NFATC2: variants seen among roughly 807,000 people sequenced by gnomAD.
The protein encoded by NFATC2 is nuclear factor of activated T cells 2.
A neutral mutation model predicts 87.3 loss-of-function variants in NFATC2; 22 were observed. The ratio of observed to expected loss-of-function variants is 0.25; its 90% CI spans 0.18 to 0.36. The LOEUF is 0.36. Ranked by LOEUF, NFATC2 falls within the 10% of genes least tolerant of loss-of-function variation. The pLI is 1.00. For missense variants in NFATC2, 1,149 were observed against 1,259.1 expected, an observed-to-expected ratio of 0.91 and a Z score of 1.32; for synonymous variants, 565 against 542.2, an observed-to-expected ratio of 1.04 and a Z score of -0.58.
At chr20:51,394,323 C>CA (rs1452389079) in intron 10 of NFATC2, among the ~76,000 whole-genome samples, 2 of 152,112 alleles carry the variant, frequency 1.3e-5, no homozygotes, top group Non-Finnish European at 2.9e-5. Context: ...ACTCGAGTAC[C>CA]AGGGTGCAGG....
intron 5 of NFATC2, among the ~76,000 whole-genome samples, chr20:51,469,304 A>G (rs1987985327): frequency 6.6e-6 from 1 of 152,198 alleles, no homozygotes; most frequent in South Asian, 2.1e-4. Context: ...GACGTGAGCC[A>G]CCGAGCTTGG....
chr20:51,398,852 T>C, intron 9 of NFATC2, 122 bp from the exon 10 acceptor site: 1 of 698,256 alleles, frequency 1.4e-6, no homozygotes, highest in Non-Finnish European at 2.5e-6. Flanking sequence ...CCTTTGGCTC[T>C]AGTTTAAGCC....
intron 5 of NFATC2, among the ~76,000 whole-genome samples, chr20:51,472,220 A>G (rs1988277206): frequency 6.6e-6 from 1 of 152,218 alleles, no homozygotes; most frequent in Non-Finnish European, 1.5e-5. Flanking sequence ...GCACCACGGC[A>G]CTCCAGCCTG....
intron 6 of NFATC2, among the ~76,000 whole-genome samples, chr20:51,444,688 A>G (rs572151185): frequency 5.3e-5 from 8 of 152,340 alleles, no homozygotes; most frequent in Admixed American, 3.3e-4. Flanking sequence ...GATGCTTCCC[A>G]GTCCTGGCCG....
intron 9 of NFATC2, among the ~76,000 whole-genome samples, chr20:51,402,273 T>TTCTGATTACATGCAA (rs1988124505): frequency 6.6e-6 from 1 of 152,220 alleles, no homozygotes. Context: ...GCAGAATTTC[T>TTCTGATTACATGCAA]TCTGATTACA....
At chr20:51,491,819 TG>T (rs2075889560) in intron 3 of NFATC2, among the ~76,000 whole-genome samples, 1 of 150,870 alleles carries the variant, frequency 6.6e-6, no homozygotes, top group Admixed American at 6.6e-5. Context: ...CTTCTCCCAT[TG>T]ATTTTCACAT....
At chr20:51,561,624 A>G (rs1339499070) in intron 1 of NFATC2, among the ~76,000 whole-genome samples, 1 of 134,842 alleles carries the variant, frequency 7.4e-6, no homozygotes, top group African/African-American at 2.9e-5. Context: ...CACAAAACCT[A>G]CATTCAACTC....
rs75102974 is a variant in NFATC2 at position 51,392,916 on chromosome 20, G to A, written c.*45-1465C>T. Among the ~76,000 whole-genome samples, 1,503 of 152,268 alleles carry A rather than the reference G, an allele frequency of 9.9e-3. 26 individuals carry two copies. Among genetic ancestry groups the A allele is most frequent in the African/African-American group, 0.035 (1,456 of 41,542 alleles). ...ATGAACCGGGTTTGATTCTCAGCTC[G>A]TTCTCTGACTGTATGATGTTACCTC... On this transcript the variant is annotated intron_variant, in intron 10 of 10. Transcript: ENST00000371564.
chr20:51,534,207 G>A (rs1255305460), intron 1 of NFATC2, among the ~76,000 whole-genome samples: 4 of 151,636 alleles, frequency 2.6e-5, no homozygotes, highest in Non-Finnish European at 5.9e-5. Flanking sequence ...CAAAAAGTCA[G>A]GGCAAAGCTT....
chr20:51,536,379 A>G (rs1415727224), intron 1 of NFATC2, among the ~76,000 whole-genome samples: 1 of 152,154 alleles, frequency 6.6e-6, no homozygotes. Flanking sequence ...CTGCCCTGCC[A>G]CTTACCAATG....
intron 10 of NFATC2, among the ~76,000 whole-genome samples, chr20:51,394,537 C>T (rs532962127): frequency 6.6e-6 from 1 of 151,666 alleles, no homozygotes; most frequent in South Asian, 2.1e-4. Flanking sequence ...GGTGGCCACC[C>T]CCAGCCCAGT....
intron 9 of NFATC2, among the ~76,000 whole-genome samples, chr20:51,416,159 G>C (rs4809841): frequency 0.78 from 118,834 of 152,030 alleles, 46,643 homozygotes; most frequent in Non-Finnish European, 0.82. Flanking sequence ...CTACTCTGGA[G>C]ACTGAGGCAG....
chr20:51,512,358 A>G (rs1366720720), intron 3 of NFATC2, among the ~76,000 whole-genome samples: 3 of 152,028 alleles, frequency 2.0e-5, no homozygotes, highest in Non-Finnish European at 4.4e-5. Context: ...CTGGCCTCTC[A>G]GGCCTCCCTG....
At chr20:51,393,983 A>G (rs910863770) in intron 10 of NFATC2, among the ~76,000 whole-genome samples, 98 of 145,426 alleles carry the variant, frequency 6.7e-4, no homozygotes, top group African/African-American at 2.6e-3. Flanking sequence ...CTGCTGATGG[A>G]AATGGTCCTG....
At chr20:51,437,580 C>A (rs1312855412) in intron 6 of NFATC2, among the ~76,000 whole-genome samples, 1 of 152,100 alleles carries the variant, frequency 6.6e-6, no homozygotes, top group Admixed American at 6.5e-5. Flanking sequence ...CACCCACCTC[C>A]CCCATGAAAA....
At chr20:51,419,047 C>T (rs550612429) in intron 9 of NFATC2, among the ~76,000 whole-genome samples, 37 of 151,864 alleles carry the variant, frequency 2.4e-4, no homozygotes, top group Non-Finnish European at 4.7e-4. Flanking sequence ...CTAAGAAGTA[C>T]GCTCCCTGAA....
intron 3 of NFATC2, among the ~76,000 whole-genome samples, chr20:51,504,079 A>G (rs1031840184): frequency 6.7e-6 from 1 of 149,222 alleles, no homozygotes; most frequent in Non-Finnish European, 1.5e-5. Flanking sequence ...CTGGAGTGCA[A>G]TGGCGCAATA....
rs1192759624 is a variant in NFATC2, at chr20:51,473,982, C to T, written c.1706G>A (p.Cys569Tyr). Residue 569 changes from cysteine to tyrosine, a missense_variant and splice_region_variant, in exon 5 of 11, where the codon TGC (cysteine) becomes TAC (tyrosine). Physicochemically the swap from Cys to Tyr is radical, Grantham distance 194. This residue lies in a region of NFATC2 where 581 missense variants were observed against 649.7 expected (regional missense o/e 0.89). Coordinates refer to ENST00000371564, the MANE Select transcript of NFATC2 (RefSeq NM_012340.5). ...CCGGGCCCCAGGGCCCAACTTACAG[C>T]ACTCGATGGGGTTAGATGCAGTCTG... ...SLQTASNPIE[C>Y]SQRSAHELPM... 6.2e-7 allele frequency: 1 copy of T among 1,613,244 alleles called. No individual in the cohort carries two copies. Among genetic ancestry groups the T allele is most frequent in the Admixed American group, 1.7e-5 (1 of 59,954 alleles).
At chr20:51,491,362 G>A (rs1454588260) in intron 3 of NFATC2, among the ~76,000 whole-genome samples, 1 of 152,072 alleles carries the variant, frequency 6.6e-6, no homozygotes, top group Admixed American at 6.5e-5. Context: ...AGTGGCATTC[G>A]TTCAGGTAGC....
Sources: gnomAD v4.1 joint callset for allele counts (sites outside exome capture counted in the v4.1 genomes callset) on GRCh38, gnomAD v4.1.1 for gene constraint, gnomAD v4.1.1 regional missense constraint, MANE v1.5 for transcripts, NCBI Gene and HGNC (gene_info 2026-07-23, HGNC 2026-07-21) for gene names.